KCNQ5: variants seen among roughly 807,000 people sequenced by gnomAD.
The protein encoded by KCNQ5 is potassium voltage-gated channel subfamily Q member 5.
KCNQ5 carries 30 observed loss-of-function variants against 98.2 expected under a neutral mutation model. The observed-to-expected ratio is 0.31, with a 90% CI of 0.23 to 0.41. The LOEUF (loss-of-function observed/expected upper bound fraction) is 0.41, where lower values mean the gene tolerates loss of function less well. KCNQ5 is among the 10% of genes least tolerant of loss of function. The probability of loss-of-function intolerance (pLI) is 1.00; values close to 1 mark genes in which losing one functional copy is unlikely to be tolerated. For missense variants in KCNQ5, 835 were observed against 1,182.5 expected (o/e 0.71, Z 4.31); for synonymous variants, 458 against 449.4 (o/e 1.02, Z -0.24).
intron 1 of KCNQ5, among the ~76,000 whole-genome samples, chr6:72,672,827 T>C (rs1767200848): frequency 6.6e-6 from 1 of 152,152 alleles, no homozygotes; most frequent in Admixed American, 6.5e-5. Context: ...ATAGGAAAAA[T>C]CTAGAAGTAT....
chr6:72,959,702 A>G (rs1767244965), intron 1 of KCNQ5, among the ~76,000 whole-genome samples: 1 of 152,252 alleles, frequency 6.6e-6, no homozygotes, highest in Non-Finnish European at 1.5e-5. Flanking sequence ...TTTAGAGTTT[A>G]CAGTATAAAA....
chr6:72,672,858 A>T (rs1442772869), intron 1 of KCNQ5, among the ~76,000 whole-genome samples: 2 of 152,220 alleles, frequency 1.3e-5, no homozygotes, highest in East Asian at 3.8e-4. Flanking sequence ...ATAAAAAATG[A>T]TAGGAATGAT....
intron 1 of KCNQ5, among the ~76,000 whole-genome samples, chr6:72,715,191 C>T (rs1206344643): frequency 6.6e-6 from 1 of 152,042 alleles, no homozygotes; most frequent in East Asian, 1.9e-4. Context: ...GTTATTTATC[C>T]GTAGCCTGGC....
rs1258891610 is a variant in KCNQ5, at chr6:73,192,602, G to C, written c.1747G>C (p.Asp583His). Residue 583 changes from aspartate (D) to histidine (H), a missense_variant, in exon 13 of 14, where the codon GAT becomes CAT. Physicochemically the swap from Asp to His is moderately conservative, Grantham distance 81 (BLOSUM62 -1). This residue lies in a region of KCNQ5 where 416 missense variants were observed against 446.9 expected (regional missense o/e 0.93). Transcript: ENST00000370398. ...TCTTGGAAAAGGGCAAATCACATCA[G>C]ATAAGAAGAGCCGAGAGAAAATAAC... ...QILGKGQITS[D>H]KKSREKITAE... 2.5e-6 allele frequency: 4 copies of C among 1,611,550 alleles called. No homozygotes were observed.
intron 1 of KCNQ5, among the ~76,000 whole-genome samples, chr6:72,851,777 AG>A (rs1417711362): frequency 7.6e-6 from 1 of 132,202 alleles, no homozygotes; most frequent in Non-Finnish European, 1.5e-5. Flanking sequence ...AATAAAGTTA[AG>A]AATAGTTATT....
chr6:72,767,414 A>T (rs1424410581), intron 1 of KCNQ5, among the ~76,000 whole-genome samples: 2 of 152,044 alleles, frequency 1.3e-5, no homozygotes, highest in African/African-American at 4.8e-5. Context: ...AAATCATTAT[A>T]ATCTTGGTTT....
At chr6:73,180,683 T>C (rs954866921) in intron 11 of KCNQ5, among the ~76,000 whole-genome samples, 3 of 152,218 alleles carry the variant, frequency 2.0e-5, no homozygotes, top group Non-Finnish European at 2.9e-5. Flanking sequence ...AAAAGTTTTA[T>C]AAAATCTTTG....
intron 5 of KCNQ5, among the ~76,000 whole-genome samples, chr6:73,091,533 C>T (rs142825183): frequency 0.037 from 5,669 of 152,078 alleles, 325 homozygotes; most frequent in African/African-American, 0.13. Flanking sequence ...GTCCTTTCCC[C>T]ATTTTATGTT....
intron 1 of KCNQ5, chr6:72,986,273 T>G: frequency 4.0e-6 from 1 of 250,856 alleles, no homozygotes; most frequent in Non-Finnish European, 7.5e-6. Flanking sequence ...CACGGAATAC[T>G]ACACAGTCAT....
chr6:72,975,544 T>A (rs939552343), intron 1 of KCNQ5, among the ~76,000 whole-genome samples: 1 of 152,194 alleles, frequency 6.6e-6, no homozygotes, highest in Admixed American at 6.5e-5. Flanking sequence ...GAAACATCTG[T>A]CTTCTCTATT....
At chr6:73,116,389 A>T (rs1775492383) in intron 7 of KCNQ5, among the ~76,000 whole-genome samples, 1 of 152,144 alleles carries the variant, frequency 6.6e-6, no homozygotes, top group Non-Finnish European at 1.5e-5. Flanking sequence ...TCTTGGCTGG[A>T]CGCAAGTGGC....
intron 1 of KCNQ5, among the ~76,000 whole-genome samples, chr6:72,810,339 G>A (rs1775182429): frequency 6.6e-6 from 1 of 152,188 alleles, no homozygotes; most frequent in Non-Finnish European, 1.5e-5. Context: ...ATTGAGAGAA[G>A]AAGTGAGAAG....
intron 1 of KCNQ5, among the ~76,000 whole-genome samples, chr6:72,916,482 G>A (rs1273200079): frequency 6.6e-6 from 1 of 152,168 alleles, no homozygotes; most frequent in Non-Finnish European, 1.5e-5. Flanking sequence ...ATTACTATGA[G>A]ATGACAACTC....
intron 1 of KCNQ5, among the ~76,000 whole-genome samples, chr6:72,677,924 G>T (rs1366144539): frequency 1.3e-5 from 2 of 152,174 alleles, no homozygotes; most frequent in Non-Finnish European, 2.9e-5. Flanking sequence ...TGCCATTATT[G>T]TCTGTGATAC....
intron 1 of KCNQ5, among the ~76,000 whole-genome samples, chr6:72,930,380 T>C (rs1264774986): frequency 1.3e-5 from 2 of 152,148 alleles, no homozygotes; most frequent in Non-Finnish European, 2.9e-5. Flanking sequence ...TACCTCTTAA[T>C]TCCAGAAAGA....
At chr6:72,661,812 A>G (rs568929143) in intron 1 of KCNQ5, among the ~76,000 whole-genome samples, 83 of 152,272 alleles carry the variant, frequency 5.5e-4, no homozygotes, top group African/African-American at 1.9e-3. Context: ...TTAGCATACA[A>G]TGGTGCATAA....
intron 1 of KCNQ5, among the ~76,000 whole-genome samples, chr6:72,719,660 T>C (rs563638396): frequency 5.9e-5 from 9 of 152,312 alleles, no homozygotes; most frequent in Non-Finnish European, 1.2e-4. Context: ...TTCTTGGCAG[T>C]GGTGGCCCAG....
chr6:72,902,540 T>G (rs571650256), intron 1 of KCNQ5, among the ~76,000 whole-genome samples: 1 of 152,308 alleles, frequency 6.6e-6, no homozygotes, highest in South Asian at 2.1e-4. Context: ...TGTTGAGAGT[T>G]TTAATCATAA....
At chr6:72,915,727 A>G (rs1227726982) in intron 1 of KCNQ5, among the ~76,000 whole-genome samples, 1 of 152,126 alleles carries the variant, frequency 6.6e-6, no homozygotes, top group Non-Finnish European at 1.5e-5. Flanking sequence ...CACTGACTAA[A>G]CTTTAAGTAC....
Sources: allele counts gnomAD v4.1 joint callset (sites outside exome capture counted in the v4.1 genomes callset), GRCh38; gene constraint gnomAD v4.1.1; regional missense constraint gnomAD v4.1.1; transcripts MANE v1.5; gene names NCBI Gene and HGNC (gene_info 2026-07-23, HGNC 2026-07-21).